The following GPC3 variants were observed in gnomAD, a reference collection of about 807,000 sequenced individuals.
GPC3 encodes the protein glypican-3.
A neutral mutation model predicts 34.4 loss-of-function variants in GPC3; 3 were observed. The observed-to-expected ratio is 0.09, with a 90% CI of 0.04 to 0.23. The LOEUF (loss-of-function observed/expected upper bound fraction) is 0.23, where lower values mean the gene tolerates loss of function less well. GPC3 is among the 10% of genes least tolerant of loss of function. The pLI, the probability that GPC3 is intolerant of heterozygous loss-of-function variation, is 1.00. For synonymous variants in GPC3, 177 were observed against 174.0 expected (o/e 1.02, Z -0.13); for missense variants, 351 against 445.6 (o/e 0.79, Z 1.91).
At chrX:133,972,652 G>A (rs1268362295) in intron 1 of GPC3, among the ~76,000 whole-genome samples, 1 of 112,429 alleles carries the variant, frequency 8.9e-6, no homozygotes, top group Non-Finnish European at 1.9e-5. Context: ...TAGAGGGCAT[G>A]CACGCCAAGG....
At chrX:133,647,135 C>T in intron 6 of GPC3, among the ~76,000 whole-genome samples, 1 of 112,523 alleles carries the variant, frequency 8.9e-6, no homozygotes, top group Non-Finnish European at 1.9e-5. Flanking sequence ...TACATTTTCT[C>T]CCTGAAATTC....
intron 2 of GPC3, among the ~76,000 whole-genome samples, chrX:133,837,026 G>A (rs73567062): frequency 0.013 from 1,424 of 112,030 alleles, 26 homozygotes; most frequent in African/African-American, 0.043. Flanking sequence ...TACAGCCCTT[G>A]AAGATACAGA....
chrX:133,844,952 C>T (rs1462612539), intron 2 of GPC3, among the ~76,000 whole-genome samples: 1 of 111,574 alleles, frequency 9.0e-6, no homozygotes, highest in Non-Finnish European at 1.9e-5. Context: ...AATACCTAAT[C>T]CAGGGCCAAA....
chrX:133,551,980 A>G (rs999476690), intron 7 of GPC3, among the ~76,000 whole-genome samples: 3 of 112,946 alleles, frequency 2.7e-5, no homozygotes, highest in Non-Finnish European at 5.6e-5. Context: ...CTAAGGGGAA[A>G]ATGATTTGGA....
intron 7 of GPC3, among the ~76,000 whole-genome samples, chrX:133,571,866 A>G (rs2069635903): frequency 8.9e-6 from 1 of 112,346 alleles, no homozygotes; most frequent in Admixed American, 9.4e-5. Context: ...TTCTGTTCTT[A>G]ATCCTGAGAT....
intron 2 of GPC3, among the ~76,000 whole-genome samples, chrX:133,904,642 C>T (rs2124602085): frequency 9.0e-6 from 1 of 111,711 alleles, no homozygotes; most frequent in African/African-American, 3.3e-5. Context: ...TGTCCTCTCA[C>T]AGATTAAAAT....
At chrX:133,543,139 T>A (rs2069355885) in intron 7 of GPC3, among the ~76,000 whole-genome samples, 1 of 110,914 alleles carries the variant, frequency 9.0e-6, no homozygotes, top group African/African-American at 3.3e-5. Flanking sequence ...CCTTTTTTTT[T>A]AGACAGTCTC....
intron 4 of GPC3, among the ~76,000 whole-genome samples, chrX:133,695,549 CAGGG>C (rs912194135): frequency 9.0e-6 from 1 of 111,294 alleles, no homozygotes; most frequent in African/African-American, 3.3e-5. Flanking sequence ...TGAAAACAGA[CAGGG>C]AGGAGAGTTG....
chrX:133,873,978 T>C (rs2076005192), intron 2 of GPC3, among the ~76,000 whole-genome samples: 1 of 111,442 alleles, frequency 9.0e-6, no homozygotes, highest in Non-Finnish European at 1.9e-5. Flanking sequence ...AGGAGTAGAT[T>C]ACTGGAAATC....
intron 2 of GPC3, among the ~76,000 whole-genome samples, chrX:133,785,938 A>G (rs1015014786): frequency 4.4e-5 from 5 of 112,439 alleles, no homozygotes; most frequent in African/African-American, 1.6e-4. Flanking sequence ...AGCAATAGCT[A>G]TTCATGCACA....
At chrX:133,984,395 C>A in intron 1 of GPC3, among the ~76,000 whole-genome samples, 1 of 112,984 alleles carries the variant, frequency 8.9e-6, no homozygotes, top group Non-Finnish European at 1.9e-5. Context: ...CAGTCAATCA[C>A]GCAGGGCCAT....
At chrX:133,557,579 G>A (rs2069501714) in intron 7 of GPC3, among the ~76,000 whole-genome samples, 1 of 112,235 alleles carries the variant, frequency 8.9e-6, no homozygotes, top group Non-Finnish European at 1.9e-5. Context: ...TATGGTGCTT[G>A]GTTGAACCCA....
chrX:133,900,746 C>T lies in GPC3; in HGVS notation c.337+52304G>A, dbSNP rs748444666. ...TACTTCTCTCATGGTTATCCTTCTC[C>T]TCAGTTACAGCCCATGTTCTCTGGC... On this transcript the variant is annotated intron_variant, in intron 2 of 7. Transcript: ENST00000370818. 9.0e-5 allele frequency among the ~76,000 whole-genome samples: 10 copies of T among 110,794 alleles called. 1 individual carries two copies. In the Admixed American group the frequency reaches 9.6e-4, roughly 11 times the overall value.
chrX:133,751,294 A>T (rs991148107), intron 3 of GPC3, among the ~76,000 whole-genome samples: 1 of 110,951 alleles, frequency 9.0e-6, no homozygotes, highest in Non-Finnish European at 1.9e-5. Context: ...TGTGTCTTAC[A>T]CACAGTGGGC....
intron 6 of GPC3, among the ~76,000 whole-genome samples, chrX:133,633,480 G>T (rs749609698): frequency 8.9e-6 from 1 of 112,142 alleles, no homozygotes; most frequent in East Asian, 2.8e-4. Flanking sequence ...TGAAGGTGCT[G>T]GTCTGGGCTT....
chrX:133,848,283 T>C (rs762886541), intron 2 of GPC3, among the ~76,000 whole-genome samples: 2 of 111,479 alleles, frequency 1.8e-5, no homozygotes, highest in East Asian at 2.8e-4. Context: ...AGAAAAGAGA[T>C]TGGAGTTGGG....
intron 1 of GPC3, among the ~76,000 whole-genome samples, chrX:133,957,198 A>G (rs757798984): frequency 1.2e-4 from 13 of 112,274 alleles, no homozygotes; most frequent in Admixed American, 2.9e-4. Flanking sequence ...TAATTGATCT[A>G]TGGGCTAAAA....
At chrX:133,665,019 G>C (rs1433970566) in intron 5 of GPC3, among the ~76,000 whole-genome samples, 1 of 111,399 alleles carries the variant, frequency 9.0e-6, no homozygotes, top group Non-Finnish European at 1.9e-5. Flanking sequence ...TTATTCCTCT[G>C]TATGGCTCAG....
chrX:133,918,070 TC>T (rs1481379375), intron 2 of GPC3, among the ~76,000 whole-genome samples: 1 of 112,429 alleles, frequency 8.9e-6, no homozygotes, highest in African/African-American at 3.2e-5. Flanking sequence ...CAAAATTGTA[TC>T]CAGGGTTAGA....
Sources: gnomAD v4.1 joint callset for allele counts (sites outside exome capture counted in the v4.1 genomes callset) on GRCh38, gnomAD v4.1.1 for gene constraint, MANE v1.5 for transcripts, NCBI Gene and HGNC (gene_info 2026-07-23, HGNC 2026-07-21) for gene names.